MICAL3: variants seen among roughly 807,000 people sequenced by gnomAD.
MICAL3 encodes the protein [F-actin]-monooxygenase MICAL3.
A neutral mutation model predicts 207.4 loss-of-function variants in MICAL3; 62 were observed. The observed-to-expected ratio is 0.30, with a 90% CI of 0.24 to 0.37. The LOEUF is 0.37. Ranked by LOEUF, MICAL3 falls within the 10% of genes least tolerant of loss-of-function variation. The pLI, the probability that MICAL3 is intolerant of heterozygous loss-of-function variation, is 1.00. For synonymous variants in MICAL3, 1,077 were observed against 1,069.3 expected, an observed-to-expected ratio of 1.01 and a Z score of -0.14; for missense variants, 2,368 against 2,635.6, an observed-to-expected ratio of 0.90 and a Z score of 2.22.
chr22:17,946,097 C>G (rs1398553587), intron 1 of MICAL3, among the ~76,000 whole-genome samples: 2 of 152,176 alleles, frequency 1.3e-5, no homozygotes, highest in Admixed American at 6.5e-5. Context: ...GATGACAAAG[C>G]AGGCAGCATC....
intron 20 of MICAL3, chr22:17,834,410 G>T: frequency 7.8e-7 from 1 of 1,284,770 alleles, no homozygotes; most frequent in South Asian, 1.2e-5. Flanking sequence ...ACACAAAGGT[G>T]ACACAGAAAA....
chr22:17,877,493 T>TAGGGAAGTTATGGAGGTG (rs1928901897), intron 16 of MICAL3, among the ~76,000 whole-genome samples: 1 of 101,458 alleles, frequency 9.9e-6, no homozygotes, highest in Non-Finnish European at 2.0e-5. Context: ...TTATGGAGGT[T>TAGGGAAGTTATGGAGGTG]AGGGAGGTTA....
At chr22:17,851,689 G>A (rs533003606) in intron 19 of MICAL3, among the ~76,000 whole-genome samples, 2 of 152,298 alleles carry the variant, frequency 1.3e-5, no homozygotes, top group South Asian at 2.1e-4. Flanking sequence ...AAATGGGAAC[G>A]GCCGCCTCAT....
intron 18 of MICAL3, among the ~76,000 whole-genome samples, chr22:17,865,514 G>C (rs967469340): frequency 6.6e-6 from 1 of 152,234 alleles, no homozygotes; most frequent in African/African-American, 2.4e-5. Context: ...GGGAGTGAGG[G>C]TGGGGCCACC....
chr22:17,960,495 C>T (rs952548127), intron 1 of MICAL3, among the ~76,000 whole-genome samples: 14 of 152,320 alleles, frequency 9.2e-5, no homozygotes, highest in African/African-American at 2.4e-4. Flanking sequence ...ACCACACATG[C>T]GAACCCAGCA....
chr22:17,830,907 A>G (rs1048929950), intron 21 of MICAL3, among the ~76,000 whole-genome samples: 12 of 152,230 alleles, frequency 7.9e-5, no homozygotes, highest in African/African-American at 2.9e-4. Flanking sequence ...GGACTGGATC[A>G]GGAACATGAG....
At chr22:17,984,696 T>C (rs1174032811) in intron 1 of MICAL3, among the ~76,000 whole-genome samples, 3 of 152,168 alleles carry the variant, frequency 2.0e-5, no homozygotes, top group African/African-American at 7.2e-5. Context: ...AGATGGACAA[T>C]AAAAGCTGTA....
chr22:17,998,473 A>C (rs115652830), intron 1 of MICAL3, among the ~76,000 whole-genome samples: 2,864 of 152,050 alleles, frequency 0.019, 85 homozygotes, highest in African/African-American at 0.066. Context: ...ATGAGATAAC[A>C]GGTCATGAAA....
At chr22:17,926,855 C>T (rs1184570884) in intron 1 of MICAL3, among the ~76,000 whole-genome samples, 1 of 152,234 alleles carries the variant, frequency 6.6e-6, no homozygotes, top group East Asian at 1.9e-4. Context: ...TTATCTCTAC[C>T]TGGACCCTTG....
chr22:17,919,599 CAGGCAGTGGCACCA>C (rs1304395841), intron 1 of MICAL3, among the ~76,000 whole-genome samples: 1 of 152,220 alleles, frequency 6.6e-6, no homozygotes. Context: ...TGTGTGCTTT[CAGGCAGTGGCACCA>C]GGCTGGGAGT....
At chr22:17,891,055 AT>A (rs747091317) in intron 12 of MICAL3, among the ~76,000 whole-genome samples, 46 of 152,208 alleles carry the variant, frequency 3.0e-4, no homozygotes, top group Non-Finnish European at 5.4e-4. Flanking sequence ...GTAGTGACAC[AT>A]TTGCCTTGAG....
In MICAL3 at chr22:17,919,995, T is replaced by C. The variant is rs541979276; in HGVS notation, c.-74-13109A>G. Among the ~76,000 whole-genome samples, 7 of 152,324 alleles carry C rather than the reference T, an allele frequency of 4.6e-5. No individual in the cohort carries two copies. In the South Asian group the frequency reaches 1.0e-3, roughly 23 times the overall value. ...ATAACACTTCTGATTCCAAGTTACC[T>C]GTATGGCTAACATCTGCATGAGAAA... On this transcript the variant is annotated intron_variant, in intron 1 of 31. Coordinates refer to ENST00000441493, the MANE Select transcript of MICAL3 (RefSeq NM_015241.3).
At chr22:17,836,283 C>G (rs113067705) in intron 20 of MICAL3, among the ~76,000 whole-genome samples, 1 of 152,230 alleles carries the variant, frequency 6.6e-6, no homozygotes, top group African/African-American at 2.4e-5. Flanking sequence ...ACCGCGTGCC[C>G]GCAGCACAAA....
chr22:17,905,386 C>CA (rs938357731), intron 2 of MICAL3, among the ~76,000 whole-genome samples: 13 of 152,168 alleles, frequency 8.5e-5, no homozygotes, highest in African/African-American at 3.1e-4. Flanking sequence ...ACTGAACGTC[C>CA]AGGAACATGA....
intron 19 of MICAL3, chr22:17,864,582 C>A: frequency 6.8e-7 from 1 of 1,479,384 alleles, no homozygotes; most frequent in South Asian, 1.3e-5. Flanking sequence ...CTGGGCCGCC[C>A]TCAGGTGTGA....
intron 12 of MICAL3, among the ~76,000 whole-genome samples, chr22:17,891,256 CAAA>C (rs11303045): frequency 6.9e-6 from 1 of 143,952 alleles, no homozygotes; most frequent in Non-Finnish European, 1.5e-5. Flanking sequence ...TATAGGAGCA[CAAA>C]AAAAAAAATT....
chr22:17,946,041 G>C (rs1480616323), intron 1 of MICAL3, among the ~76,000 whole-genome samples: 1 of 152,178 alleles, frequency 6.6e-6, no homozygotes, highest in African/African-American at 2.4e-5. Flanking sequence ...ATCCTCGCTA[G>C]TAACAACAGG....
rs55999508 is a variant in MICAL3 at position 17,886,988 on chromosome 22, C to CAA, written c.2067+180_2067+181dup. ...GGGCAATGGAGAAAGACTCTTGTCT[C>CAA]AAAAAAAAAAAAAAAAAAAAAAAAA... is the stretch of plus-strand genomic sequence containing the variant. On this transcript the variant is annotated intron_variant, in intron 15 of 31. Coordinates refer to ENST00000441493, the MANE Select transcript of MICAL3 (RefSeq NM_015241.3). 2.6e-3 allele frequency among the ~76,000 whole-genome samples: 108 copies of CAA among 41,346 alleles called. 9 individuals are homozygous for CAA. Among genetic ancestry groups the CAA allele is most frequent in the Non-Finnish European group, 3.0e-3 (64 of 21,362 alleles). 27.1% of individuals were successfully genotyped at this position (41,346 alleles called of 152,430 possible). A position where few individuals can be genotyped will look rare whatever the true frequency, so the allele number is the denominator to read the frequency against.
intron 1 of MICAL3, among the ~76,000 whole-genome samples, chr22:17,920,262 G>A (rs181091597): frequency 1.3e-5 from 2 of 152,318 alleles, no homozygotes; most frequent in East Asian, 1.9e-4. Flanking sequence ...TACCTGCCCC[G>A]TCATCTCCAC....
Sources: allele counts gnomAD v4.1 joint callset (sites outside exome capture counted in the v4.1 genomes callset), GRCh38; gene constraint gnomAD v4.1.1; transcripts MANE v1.5; gene names NCBI Gene and HGNC (gene_info 2026-07-23, HGNC 2026-07-21).